STAB2: variants seen among roughly 807,000 people sequenced by gnomAD.
The protein encoded by STAB2 is stabilin 2, also known as stabilin-2.
STAB2 carries 288 observed loss-of-function variants against 338.1 expected under a neutral mutation model. The observed-to-expected ratio is 0.85, with a 90% CI of 0.77 to 0.94. The LOEUF (loss-of-function observed/expected upper bound fraction) is 0.94. Among genes scored for constraint, STAB2 ranks in the 40% least tolerant of loss-of-function variants. STAB2 has a pLI of 0.00. For missense variants in STAB2, 3,141 were observed against 3,210.1 expected (o/e 0.98, Z 0.52); for synonymous variants, 1,202 against 1,193.3 (o/e 1.01, Z -0.15).
chr12:103,611,059 G>T (rs1334285568), intron 3 of STAB2, among the ~76,000 whole-genome samples: 1 of 152,194 alleles, frequency 6.6e-6, no homozygotes, highest in Non-Finnish European at 1.5e-5. Flanking sequence ...GAGACAGTTT[G>T]TTATAATTTC....
At chr12:103,717,003 C>T (rs925779717) in intron 43 of STAB2, among the ~76,000 whole-genome samples, 3 of 152,204 alleles carry the variant, frequency 2.0e-5, no homozygotes, top group East Asian at 1.9e-4. Flanking sequence ...CCCTAGCTGG[C>T]ACCAATGATG....
In STAB2 at chr12:103,685,451, T is replaced by C. The variant is rs570524132; in HGVS notation, c.2997+367T>C. On this transcript the variant is annotated intron_variant, in intron 27 of 68. Transcript: ENST00000388887. ...GTGTGTGTGTGTGTGTGTGTGTGTGTGTGCGCGTGCGTGTGTGTGTGCGTG... is the reference window on the plus strand; with the variant it reads ...GTGTGTGTGTGTGTGTGTGTGTGTGCGTGCGCGTGCGTGTGTGTGTGCGTG... Among the ~76,000 whole-genome samples the C allele has an allele frequency of 1.3e-3, 184 of 138,160 alleles. 1 individual carries two copies. The highest frequency in any genetic ancestry group is 3.0e-3 in the African/African-American group (116 of 38,890). 90.6% of individuals were successfully genotyped at this position (138,160 alleles called of 152,430 possible). A position where few individuals can be genotyped will look rare whatever the true frequency, so the allele number is the denominator to read the frequency against.
intron 50 of STAB2, 116 bp downstream of exon 50, chr12:103,731,751 C>A: frequency 1.0e-6 from 1 of 993,136 alleles, no homozygotes; most frequent in Non-Finnish European, 1.5e-6. Context: ...GTGGGATCTG[C>A]ATGGGGAAGT....
chr12:103,668,534 C>A, intron 19 of STAB2, 109 bp from the exon 20 acceptor site: 2 of 988,392 alleles, frequency 2.0e-6, no homozygotes, highest in South Asian at 2.9e-5. Context: ...TCTCTCCTGA[C>A]GTCAGTGGTG....
Position 103,629,749 on chromosome 12 carries a change from C to T in STAB2, c.488-1849C>T, listed in dbSNP as rs1051612803. ...TCCTGGCCAGCTCCCATTGGTTGGT[C>T]ATGTCATAGCATTTATCCCAGTGCA... On this transcript the variant is annotated intron_variant, in intron 5 of 68. Coordinates refer to ENST00000388887, the MANE Select transcript of STAB2 (RefSeq NM_017564.10). Among the ~76,000 whole-genome samples, 7 of 152,330 alleles carry T rather than the reference C, an allele frequency of 4.6e-5. No individual in the cohort carries two copies. In the East Asian group the frequency reaches 1.3e-3, roughly 29 times the overall value.
chr12:103,610,306 C>T (rs1957101646), intron 3 of STAB2, among the ~76,000 whole-genome samples: 1 of 152,172 alleles, frequency 6.6e-6, no homozygotes, highest in Non-Finnish European at 1.5e-5. Flanking sequence ...GGCTGTGAAT[C>T]CGTCTGGTCA....
intron 40 of STAB2, 92 bp downstream of exon 40, chr12:103,711,608 T>C (rs1879869226): frequency 7.1e-7 from 1 of 1,407,896 alleles, no homozygotes; most frequent in African/African-American, 1.4e-5. Context: ...GGGATTTGTT[T>C]CCTGACACCA....
At chr12:103,668,584 A>C (rs1875392688) in intron 19 of STAB2, 59 bp from the exon 20 acceptor site, 4 of 1,436,766 alleles carry the variant, frequency 2.8e-6, no homozygotes, top group Non-Finnish European at 3.8e-6. Context: ...GAGGGTGTGC[A>C]GTGCCTGGAG....
chr12:103,745,194 G>T lies in STAB2; in HGVS notation c.6053G>T (p.Gly2018Val), dbSNP rs771031943. 1.2e-6 allele frequency: 2 copies of T among 1,614,012 alleles called. No individual in the cohort carries two copies. Among genetic ancestry groups the T allele is most frequent in the Admixed American group, 3.3e-5 (2 of 60,024 alleles). The change falls in exon 57 of 69, where the codon GGA becomes GTA. Residue 2018 changes from glycine (G) to valine (V), a missense_variant. Transcript: ENST00000388887. ...DCLPCGCSDH[G>V]QCDDGITGSG... ...ACAGCCTGTGGCTGCTCAGACCACG[G>T]ACAGTGCGATGATGGCATCACGGGC...
intron 55 of STAB2, among the ~76,000 whole-genome samples, chr12:103,741,836 AGCAGCT>A (rs934528607): frequency 6.6e-6 from 1 of 152,204 alleles, no homozygotes; most frequent in Non-Finnish European, 1.5e-5. Flanking sequence ...GTCTGTCTTC[AGCAGCT>A]GTGATTTTTA....
chr12:103,631,051 C>T (rs1957452392), intron 5 of STAB2, among the ~76,000 whole-genome samples: 1 of 152,210 alleles, frequency 6.6e-6, no homozygotes, highest in Admixed American at 6.5e-5. Context: ...ACATTCATTT[C>T]AAATGCCCTT....
At chr12:103,597,526 A>G (rs1195114140) in intron 3 of STAB2, among the ~76,000 whole-genome samples, 1 of 152,226 alleles carries the variant, frequency 6.6e-6, no homozygotes, top group Non-Finnish European at 1.5e-5. Context: ...AATTACTATC[A>G]TCTTCTAAAA....
chr12:103,649,828 G>C (rs1026825616), intron 10 of STAB2, among the ~76,000 whole-genome samples: 3 of 152,098 alleles, frequency 2.0e-5, no homozygotes, highest in East Asian at 1.9e-4. Context: ...GGACCAGACA[G>C]GGGGGAGGTA....
Position 103,641,730 on chromosome 12 carries a change from T to C in STAB2, c.1040+1474T>C, listed in dbSNP as rs542448195. 3.9e-5 allele frequency among the ~76,000 whole-genome samples: 6 copies of C among 152,334 alleles called. 1 individual carries two copies. The highest frequency in any genetic ancestry group is 7.2e-5 in the African/African-American group (3 of 41,576). ...AAATGAAATGAGAATATCAGAATAATATAAGCTGCTTCCAAATTTGTGTTT... is the reference window on the plus strand; with the variant it reads ...AAATGAAATGAGAATATCAGAATAACATAAGCTGCTTCCAAATTTGTGTTT... On this transcript the variant is annotated intron_variant, in intron 9 of 68. Coordinates refer to ENST00000388887, the MANE Select transcript of STAB2 (RefSeq NM_017564.10).
chr12:103,617,620 C>T (rs532640273), intron 3 of STAB2, among the ~76,000 whole-genome samples: 35 of 152,328 alleles, frequency 2.3e-4, no homozygotes, highest in African/African-American at 7.7e-4. Flanking sequence ...ATGACACAAT[C>T]GCATCGCATT....
intron 60 of STAB2, 50 bp downstream of exon 60, chr12:103,750,770 G>T (rs1206502368): frequency 6.4e-6 from 10 of 1,564,946 alleles, no homozygotes; most frequent in Non-Finnish European, 7.8e-6. Context: ...CTTCAGGCCT[G>T]GGGAAGGGAC....
chr12:103,620,496 C>A lies in STAB2; in HGVS notation c.360C>A (p.Cys120Ter), dbSNP rs1393836613. ...GCCCAGGTGGAGCGGGGTCACCCTG[C>A]AATGGCAGAGGCAGTTGTGCTGAAG... is the stretch of plus-strand genomic sequence containing the variant. ...IECPGGAGSP[C>*]NGRGSCAEGM... The change falls in exon 4 of 69, where the codon TGC becomes TGA. Residue 120 changes from cysteine to a stop codon, truncating the protein, a stop_gained. Coordinates refer to ENST00000388887, the MANE Select transcript of STAB2 (RefSeq NM_017564.10). LOFTEE classifies it high-confidence loss of function. 2.5e-6 allele frequency: 4 copies of A among 1,584,916 alleles called. No individual in the cohort carries two copies. The South Asian group carries it at 4.6e-5, about 18-fold the overall frequency.
rs201768702 is a variant in STAB2 at position 103,759,247 on chromosome 12, A to G, written c.7222A>G (p.Thr2408Ala). 1.2e-6 allele frequency: 2 copies of G among 1,614,128 alleles called. No homozygotes were observed. Among genetic ancestry groups the G allele is most frequent in the Admixed American group, 1.7e-5 (1 of 60,010 alleles). The change falls in exon 65 of 69, where the codon ACT (threonine) becomes GCT (alanine). Residue 2408 changes from threonine to alanine, a missense_variant. Transcript: ENST00000388887. Reference sequence around the variant, plus strand: ...GAGGCTGGGAAGCAAGCTGCTCATCACTGCCAGCCAGGACCCACTCCAACC... The same window carrying G: ...GAGGCTGGGAAGCAAGCTGCTCATCGCTGCCAGCCAGGACCCACTCCAACC... ...QTRLGSKLLITASQDPLQPTE... is the reference protein window; with the variant it reads ...QTRLGSKLLIAASQDPLQPTE...
At chr12:103,751,106 G>T (rs1236352103) in intron 60 of STAB2, among the ~76,000 whole-genome samples, 1 of 152,188 alleles carries the variant, frequency 6.6e-6, no homozygotes, top group Non-Finnish European at 1.5e-5. Context: ...CAAGGCAGAG[G>T]GACTTCAGTG....
Sources: gnomAD v4.1 joint callset for allele counts (sites outside exome capture counted in the v4.1 genomes callset) on GRCh38, gnomAD v4.1.1 for gene constraint, MANE v1.5 for transcripts, NCBI Gene and HGNC (gene_info 2026-07-23, HGNC 2026-07-21) for gene names.